ZZZ3: variants seen among roughly 807,000 people sequenced by gnomAD.
ZZZ3 encodes zinc finger ZZ-type containing 3, also known as ZZ-type zinc finger-containing protein 3.
ZZZ3 carries 22 observed loss-of-function variants against 95.2 expected under a neutral mutation model. That is an observed-to-expected ratio of 0.23 (90% CI 0.17 to 0.33). ZZZ3 has a LOEUF of 0.33. Ranked by LOEUF, ZZZ3 falls within the 10% of genes least tolerant of loss-of-function variation. The pLI is 1.00. For missense variants in ZZZ3, 885 were observed against 1,066.5 expected (o/e 0.83, Z 2.37); for synonymous variants, 335 against 358.9 (o/e 0.93, Z 0.75).
chr1:77,598,184 AAC>A (rs1478319322), intron 5 of ZZZ3, among the ~76,000 whole-genome samples: 1 of 152,174 alleles, frequency 6.6e-6, no homozygotes, highest in East Asian at 1.9e-4. Context: ...ATATAACATA[AAC>A]AGTCGATTAA....
At chr1:77,566,369 C>T (rs1186800668) in intron 13 of ZZZ3, among the ~76,000 whole-genome samples, 188 bp from the exon 14 acceptor site, 1 of 152,150 alleles carries the variant, frequency 6.6e-6, no homozygotes, top group Non-Finnish European at 1.5e-5. Flanking sequence ...AAATTCCATC[C>T]ACTCAATATC....
rs10581619 is a variant in ZZZ3, at chr1:77,568,471, C to CAAAAAAAA, written c.2332-13_2332-6dup. ...GATAGGAATACTTTCGTCATCCTAT[C>CAAAAAAAA]AAAAAAAAAAAAAAAAAAAAATGTT... On this transcript the variant is annotated splice_region_variant and splice_polypyrimidine_tract_variant and intron_variant, in intron 12 of 14. Coordinates refer to ENST00000370801, the MANE Select transcript of ZZZ3 (RefSeq NM_015534.6). 1.8e-6 allele frequency: 1 copy of CAAAAAAAA among 541,010 alleles called. No individual in the cohort carries two copies. The allele number at this position is 541,010 out of a possible 1,614,324, so 33.5% of individuals were successfully genotyped here.
At chr1:77,650,267 G>A (rs1669682738) in intron 1 of ZZZ3, among the ~76,000 whole-genome samples, 1 of 152,120 alleles carries the variant, frequency 6.6e-6, no homozygotes, top group African/African-American at 2.4e-5. Flanking sequence ...CAAGGTGACA[G>A]ATTTAAACTT....
chr1:77,580,837 G>A (rs1378920192), intron 9 of ZZZ3, 161 bp downstream of exon 9: 1 of 581,670 alleles, frequency 1.7e-6, no homozygotes, highest in Non-Finnish European at 3.1e-6. Context: ...TGTTGGCCAG[G>A]TTGGTCTTGA....
intron 1 of ZZZ3, among the ~76,000 whole-genome samples, chr1:77,655,702 G>A (rs757698770): frequency 1.3e-5 from 2 of 152,196 alleles, no homozygotes; most frequent in Non-Finnish European, 2.9e-5. Context: ...GTCAGCAGTA[G>A]AGCAACAGAA....
Position 77,565,624 on chromosome 1 carries a change from G to A in ZZZ3, c.*16C>T, listed in dbSNP as rs978294577. 1.9e-6 allele frequency: 3 copies of A among 1,611,766 alleles called. No homozygotes were observed. Among genetic ancestry groups the A allele is most frequent in the Non-Finnish European group, 1.7e-6 (2 of 1,178,722 alleles). Reference sequence around the variant, plus strand: ...TATGTGTTGAAGAGGACTAGTAAATGATGTTCTCTTCCATGTCATCTGTTT... The same window carrying A: ...TATGTGTTGAAGAGGACTAGTAAATAATGTTCTCTTCCATGTCATCTGTTT... On this transcript the variant is annotated 3_prime_UTR_variant, in exon 15 of 15. Coordinates refer to ENST00000370801, the MANE Select transcript of ZZZ3 (RefSeq NM_015534.6).
intron 1 of ZZZ3, among the ~76,000 whole-genome samples, chr1:77,669,866 G>A (rs538673363): frequency 8.9e-4 from 135 of 152,040 alleles, no homozygotes; most frequent in African/African-American, 3.2e-3. Context: ...AAAAAGAAAA[G>A]AAAACTGTAA....
chr1:77,622,237 G>A (rs1666944724), intron 5 of ZZZ3, among the ~76,000 whole-genome samples: 1 of 151,784 alleles, frequency 6.6e-6, no homozygotes, highest in Admixed American at 6.6e-5. Flanking sequence ...AGCCGGAGGG[G>A]CTGAGGCTGC....
chr1:77,627,964 G>T (rs1173264008), intron 5 of ZZZ3, among the ~76,000 whole-genome samples: 1 of 152,174 alleles, frequency 6.6e-6, no homozygotes, highest in African/African-American at 2.4e-5. Flanking sequence ...GCTGACCAAA[G>T]CACATTTTCA....
intron 1 of ZZZ3, among the ~76,000 whole-genome samples, chr1:77,678,032 G>A (rs1672423632): frequency 6.6e-6 from 1 of 151,990 alleles, no homozygotes. Flanking sequence ...GACAGAGGAG[G>A]CCAGCAATGC....
intron 4 of ZZZ3, among the ~76,000 whole-genome samples, chr1:77,634,292 G>A (rs1446116770): frequency 1.3e-5 from 2 of 152,108 alleles, no homozygotes; most frequent in Non-Finnish European, 2.9e-5. Flanking sequence ...CCGGTATACA[G>A]AAAGGCAGGC....
At chr1:77,594,915 C>G (rs12027952) in intron 5 of ZZZ3, among the ~76,000 whole-genome samples, 5,365 of 127,820 alleles carry the variant, frequency 0.042, 157 homozygotes, top group East Asian at 0.16. Flanking sequence ...CTTGCCTTGA[C>G]AGGCCCAAAA....
chr1:77,584,722 C>G, intron 5 of ZZZ3, 67 bp from the exon 6 acceptor site: 9 of 1,352,246 alleles, frequency 6.7e-6, no homozygotes, highest in African/African-American at 2.9e-5. Context: ...AAACTGAGTT[C>G]AAGCCATGAT....
intron 3 of ZZZ3, among the ~76,000 whole-genome samples, 172 bp from the exon 4 acceptor site, chr1:77,639,774 G>A (rs1668603280): frequency 6.6e-6 from 1 of 151,450 alleles, no homozygotes; most frequent in Non-Finnish European, 1.5e-5. Context: ...ACTGAAATAG[G>A]ATTTTTAGAA....
chr1:77,626,911 A>C (rs775187247), intron 5 of ZZZ3, among the ~76,000 whole-genome samples: 6 of 152,226 alleles, frequency 3.9e-5, no homozygotes, highest in Non-Finnish European at 7.3e-5. Context: ...GATGTTCTTT[A>C]AAATAATGAA....
intron 1 of ZZZ3, among the ~76,000 whole-genome samples, chr1:77,657,985 T>G (rs1670427743): frequency 6.6e-6 from 1 of 151,728 alleles, no homozygotes; most frequent in Non-Finnish European, 1.5e-5. Context: ...TTGAGACCAG[T>G]CTGGCCAACA....
At chr1:77,670,272 T>TG (rs947732611) in intron 1 of ZZZ3, among the ~76,000 whole-genome samples, 105 of 122,670 alleles carry the variant, frequency 8.6e-4, no homozygotes, top group East Asian at 1.9e-3. Flanking sequence ...TTTTTTTTTT[T>TG]GGGGGGGGGC....
intron 5 of ZZZ3, among the ~76,000 whole-genome samples, chr1:77,630,392 C>T (rs1667690809): frequency 6.6e-6 from 1 of 152,064 alleles, no homozygotes; most frequent in South Asian, 2.1e-4. Context: ...GGGAGGATTG[C>T]TTGAGCCCAG....
chr1:77,592,690 T>A (rs1570450188), intron 5 of ZZZ3, among the ~76,000 whole-genome samples: 3 of 152,254 alleles, frequency 2.0e-5, no homozygotes, highest in Admixed American at 2.0e-4. Context: ...TTATGAGGTA[T>A]AGGAAACTAC....
Sources: gnomAD v4.1 joint callset for allele counts (sites outside exome capture counted in the v4.1 genomes callset) on GRCh38, gnomAD v4.1.1 for gene constraint, MANE v1.5 for transcripts, NCBI Gene and HGNC (gene_info 2026-07-23, HGNC 2026-07-21) for gene names.